PDE1A: variants seen among roughly 807,000 people sequenced by gnomAD.
PDE1A encodes the protein phosphodiesterase 1A.
Under a neutral mutation model 61.7 loss-of-function variants are expected in PDE1A, and 35 were observed. The observed-to-expected ratio is 0.57, with a 90% confidence interval of 0.43 to 0.75. PDE1A has a LOEUF of 0.75. Ranked by LOEUF, PDE1A falls within the 30% of genes least tolerant of loss-of-function variation. The probability of loss-of-function intolerance (pLI) is 0.00; values close to 1 mark genes in which losing one functional copy is unlikely to be tolerated. For missense variants in PDE1A, 597 were observed against 630.6 expected, an observed-to-expected ratio of 0.95 and a Z score of 0.57; for synonymous variants, 232 against 213.2, an observed-to-expected ratio of 1.09 and a Z score of -0.77.
At chr2:182,654,131 TGATA>T in the PDE1A span, among the ~76,000 whole-genome samples, 1 of 152,202 alleles carries the variant, frequency 6.6e-6, no homozygotes, top group Non-Finnish European at 1.5e-5. Context: ...AACTCTTGAT[TGATA>T]GAGATTGAAA....
At chr2:182,446,554 A>G (rs1202370159) in intron 2 of PDE1A, among the ~76,000 whole-genome samples, 1 of 152,158 alleles carries the variant, frequency 6.6e-6, no homozygotes, top group Non-Finnish European at 1.5e-5. Context: ...CTGAGGACAG[A>G]TATCTATTTG....
At chr2:182,268,957 A>G (rs972524268) in intron 1 of PDE1A, among the ~76,000 whole-genome samples, 6 of 152,162 alleles carry the variant, frequency 3.9e-5, no homozygotes, top group Non-Finnish European at 5.9e-5. Flanking sequence ...TCAGGCATGC[A>G]AACAAGCAGA....
rs183182013 is a variant in PDE1A, at chr2:182,377,734, T to C, written c.53+48844A>G. Among the ~76,000 whole-genome samples the C allele has an allele frequency of 5.3e-5, 8 of 152,302 alleles. No individual in the cohort carries two copies. The East Asian group carries it at 1.5e-3, about 29-fold the overall frequency. The stretch of plus-strand genomic sequence containing the variant: ...GTGTCCACAAAAAGACTTGTACAAA[T>C]ATGTTCATAGTAGCTTTATTCATAA... On this transcript the variant is annotated intron_variant, in intron 1 of 13. Coordinates refer to ENST00000351439, the Ensembl canonical transcript of PDE1A.
chr2:182,629,358 A>T, the PDE1A span, among the ~76,000 whole-genome samples: 2 of 152,196 alleles, frequency 1.3e-5, no homozygotes, highest in East Asian at 3.8e-4. Context: ...AGGAGAAAAC[A>T]AGAACATTCC....
At chr2:182,419,890 T>C (rs558944167) in intron 1 of PDE1A, among the ~76,000 whole-genome samples, 86 of 152,232 alleles carry the variant, frequency 5.6e-4, no homozygotes, top group African/African-American at 2.0e-3. Context: ...ACTTATAAAA[T>C]ACATTCTACT....
At chr2:182,499,840 A>G (rs1032921585) in intron 2 of PDE1A, among the ~76,000 whole-genome samples, 19 of 152,240 alleles carry the variant, frequency 1.2e-4, no homozygotes, top group Admixed American at 1.2e-3. Flanking sequence ...GTAAACAAGA[A>G]AGGATGAGAT....
chr2:182,189,884 T>G (rs1685544949), intron 10 of PDE1A, among the ~76,000 whole-genome samples: 1 of 152,232 alleles, frequency 6.6e-6, no homozygotes, highest in African/African-American at 2.4e-5. Flanking sequence ...TTGTTCTTGT[T>G]CATTTCAATT....
At chr2:182,388,668 T>C (rs1403589050) in intron 1 of PDE1A, among the ~76,000 whole-genome samples, 7 of 151,620 alleles carry the variant, frequency 4.6e-5, no homozygotes, top group Non-Finnish European at 2.9e-5. Context: ...CAAAAGCAGT[T>C]ATAAGAGGAA....
the PDE1A span, among the ~76,000 whole-genome samples, chr2:182,543,121 G>A: frequency 3.3e-5 from 5 of 152,092 alleles, no homozygotes; most frequent in Non-Finnish European, 7.4e-5. Flanking sequence ...GCCATCAGAG[G>A]AGACCACTCA....
chr2:182,304,920 G>GACTT (rs1483191612), intron 1 of PDE1A, among the ~76,000 whole-genome samples: 1 of 152,104 alleles, frequency 6.6e-6, no homozygotes, highest in East Asian at 1.9e-4. Flanking sequence ...GGCACTGATA[G>GACTT]ACTTGCTTGA....
At chr2:182,349,698 T>G (rs192113394) in intron 1 of PDE1A, among the ~76,000 whole-genome samples, 30 of 152,244 alleles carry the variant, frequency 2.0e-4, no homozygotes, top group Admixed American at 1.3e-3. Flanking sequence ...AGGCGGAGGT[T>G]GCAGTGAGCC....
chr2:182,653,194 T>C, the PDE1A span, among the ~76,000 whole-genome samples: 1 of 152,174 alleles, frequency 6.6e-6, no homozygotes, highest in African/African-American at 2.4e-5. Flanking sequence ...TCCCCTAATA[T>C]AGCAGAGCTA....
chr2:182,522,207 G>T, intron 2 of PDE1A: 1 of 1,318,432 alleles, frequency 7.6e-7, no homozygotes, highest in Non-Finnish European at 1.1e-6. Context: ...AAGGCGGATA[G>T]CACCAACAAT....
chr2:182,290,363 T>C (rs1012183028), intron 1 of PDE1A, among the ~76,000 whole-genome samples: 2 of 152,106 alleles, frequency 1.3e-5, no homozygotes, highest in African/African-American at 4.8e-5. Context: ...TCCAAATCTT[T>C]TGGTGGAAAG....
chr2:182,186,604 T>G lies in PDE1A; in HGVS notation c.1208-16A>C, dbSNP rs1685225582. On this transcript the variant is annotated splice_polypyrimidine_tract_variant and intron_variant, in intron 11 of 13. Coordinates refer to ENST00000351439, the Ensembl canonical transcript of PDE1A. The stretch of plus-strand genomic sequence containing the variant: ...TCGATGAAACCTACAAAAGCCAAAA[T>G]GAGAAGAGAGAGAGATAAATTCAAG... The G allele has an allele frequency of 6.3e-7, 1 of 1,588,122 alleles. No individual in the cohort carries two copies. The highest frequency in any genetic ancestry group is 2.2e-5 in the East Asian group (1 of 44,482).
chr2:182,201,658 A>AC (rs199808023), intron 9 of PDE1A, 30 bp downstream of exon 9: 32,512 of 1,552,204 alleles, frequency 0.021, 893 homozygotes, highest in South Asian at 0.066. Context: ...GACAAAAAAA[A>AC]AAAAACAACA....
the PDE1A span, among the ~76,000 whole-genome samples, chr2:182,537,506 G>C: frequency 3.3e-5 from 5 of 152,054 alleles, no homozygotes; most frequent in Non-Finnish European, 7.4e-5. Context: ...CGGGGGATTG[G>C]GGGCAAGGGG....
intron 7 of PDE1A, among the ~76,000 whole-genome samples, chr2:182,220,400 T>C (rs1011481030): frequency 1.3e-5 from 2 of 152,104 alleles, no homozygotes; most frequent in African/African-American, 4.8e-5. Context: ...TATTACATGA[T>C]ATGGCTCCAA....
At chr2:182,439,817 T>C (rs1166954406) in intron 2 of PDE1A, among the ~76,000 whole-genome samples, 1 of 152,050 alleles carries the variant, frequency 6.6e-6, no homozygotes, top group Admixed American at 6.6e-5. Flanking sequence ...ACTGTACAAA[T>C]ATTTGAAGTC....
Sources: allele counts gnomAD v4.1 joint callset (sites outside exome capture counted in the v4.1 genomes callset), GRCh38; gene constraint gnomAD v4.1.1; transcripts MANE v1.5; gene names NCBI Gene and HGNC (gene_info 2026-07-23, HGNC 2026-07-21).